Variants in AKR1E2 observed in about 807,000 individuals in gnomAD.
AKR1E2 encodes 1,5-anhydro-D-fructose reductase.
Under a neutral mutation model 41.9 loss-of-function variants are expected in AKR1E2, and 43 were observed. The ratio of observed to expected loss-of-function variants is 1.03; its 90% CI spans 0.80 to 1.32. AKR1E2 has a LOEUF of 1.32. Ranked by LOEUF, AKR1E2 falls within the 40% of genes most tolerant of loss-of-function variation. AKR1E2 has a pLI of 0.00. For missense variants in AKR1E2, 423 were observed against 396.5 expected (o/e 1.07, Z -0.57); for synonymous variants, 121 against 138.9 (o/e 0.87, Z 0.91).
chr10:4,847,623 C>T lies in AKR1E2; in HGVS notation c.*93C>T. On this transcript the variant is annotated 3_prime_UTR_variant, in exon 10 of 10. Transcript: ENST00000298375. ...CTCTGTCATCACAGCGCCAGGGCAGCTGTGCCTGGGACAGGAGCCACACAG... is the reference window on the plus strand; with the variant it reads ...CTCTGTCATCACAGCGCCAGGGCAGTTGTGCCTGGGACAGGAGCCACACAG... The T allele has an allele frequency of 6.8e-7, 1 of 1,461,588 alleles. No individual in the cohort carries two copies. Among genetic ancestry groups the T allele is most frequent in the Non-Finnish European group, 9.5e-7 (1 of 1,053,182 alleles). The allele number at this position is 1,461,588 out of a possible 1,614,324, so 90.5% of individuals were successfully genotyped here.
chr10:4,827,947 A>G (rs2131485613), intron 1 of AKR1E2, among the ~76,000 whole-genome samples: 1 of 152,084 alleles, frequency 6.6e-6, no homozygotes, highest in East Asian at 2.0e-4. Flanking sequence ...AACTGTGCTT[A>G]ACAGGTCAAA....
chr10:4,850,476 G>A (rs1564281957), downstream of AKR1E2, among the ~76,000 whole-genome samples: 1 of 152,182 alleles, frequency 6.6e-6, no homozygotes. Flanking sequence ...GCAGGGCCTC[G>A]CTGACTGATG....
chr10:4,838,386 ATTTC>A (rs1833604362), intron 5 of AKR1E2, among the ~76,000 whole-genome samples: 2 of 152,076 alleles, frequency 1.3e-5, no homozygotes, highest in Non-Finnish European at 2.9e-5. Context: ...GTGCTCTCTT[ATTTC>A]TTGTGGTATT....
downstream of AKR1E2, among the ~76,000 whole-genome samples, chr10:4,853,013 A>G (rs1397351772): frequency 6.6e-6 from 1 of 152,212 alleles, no homozygotes; most frequent in Non-Finnish European, 1.5e-5. Flanking sequence ...ACCTCAGGAA[A>G]TGATCAGAGT....
At chr10:4,842,614 G>C in intron 8 of AKR1E2, 110 bp downstream of exon 8, 1 of 932,402 alleles carries the variant, frequency 1.1e-6, no homozygotes, top group Admixed American at 2.0e-5. Flanking sequence ...TGCAACAGGG[G>C]CTTCTCCCTC....
the AKR1E2 span, among the ~76,000 whole-genome samples, chr10:4,861,774 GTTGT>G: frequency 3.9e-5 from 6 of 152,078 alleles, no homozygotes; most frequent in Non-Finnish European, 4.4e-5. Context: ...TTTTGATGGG[GTTGT>G]TTGTTTTTTT....
intron 2 of AKR1E2, among the ~76,000 whole-genome samples, chr10:4,832,293 A>G (rs1460444062): frequency 6.6e-6 from 1 of 152,164 alleles, no homozygotes; most frequent in Non-Finnish European, 1.5e-5. Context: ...TCAAGATTCA[A>G]TGTTGTTTCT....
At chr10:4,836,076 AT>A (rs921190963) in intron 4 of AKR1E2, among the ~76,000 whole-genome samples, 16 of 152,192 alleles carry the variant, frequency 1.1e-4, no homozygotes, top group African/African-American at 3.9e-4. Context: ...ATATTTATTT[AT>A]TTTTTTATTA....
chr10:4,872,882 A>AGAAG, the AKR1E2 span, among the ~76,000 whole-genome samples: 1 of 152,238 alleles, frequency 6.6e-6, no homozygotes, highest in Non-Finnish European at 1.5e-5. Context: ...TAAGTGACAG[A>AGAAG]GAAGGCATCA....
chr10:4,834,174 C>T (rs1412495349), intron 3 of AKR1E2, among the ~76,000 whole-genome samples: 3 of 152,202 alleles, frequency 2.0e-5, no homozygotes, highest in African/African-American at 7.2e-5. Context: ...ATACAGAAGC[C>T]CTTGCAGGGA....
At chr10:4,859,673 G>A in the AKR1E2 span, among the ~76,000 whole-genome samples, 1 of 152,326 alleles carries the variant, frequency 6.6e-6, no homozygotes, top group East Asian at 1.9e-4. Flanking sequence ...TGTATGAGGT[G>A]AAATTCCAGG....
At chr10:4,844,633 A>G (rs927129341) in intron 8 of AKR1E2, among the ~76,000 whole-genome samples, 5 of 149,982 alleles carry the variant, frequency 3.3e-5, no homozygotes, top group Non-Finnish European at 7.5e-5. Flanking sequence ...TTAGCTAGAT[A>G]CAGAGTGTCA....
At chr10:4,866,052 G>A in the AKR1E2 span, among the ~76,000 whole-genome samples, 3 of 152,156 alleles carry the variant, frequency 2.0e-5, no homozygotes, top group East Asian at 1.9e-4. Context: ...CAGGACAGAC[G>A]TGAAGTTTCT....
intron 7 of AKR1E2, 115 bp downstream of exon 7, chr10:4,841,972 A>G: frequency 1.2e-6 from 1 of 863,954 alleles, no homozygotes; most frequent in Admixed American, 3.1e-5. Context: ...AGGTGAGTCC[A>G]TGACTCATTA....
chr10:4,833,516 C>T (rs1189880729), intron 3 of AKR1E2, 50 bp downstream of exon 3: 21 of 1,477,426 alleles, frequency 1.4e-5, no homozygotes, highest in East Asian at 9.1e-5. Flanking sequence ...CCTTCCTCCC[C>T]GTGCTCACAC....
rs1452500540 is a variant in AKR1E2 at position 4,835,682 on chromosome 10, A to G, written c.332A>G (p.His111Arg). ...IHWPMGFKPP[H>R]PEWIMSCSEL... ...AACTCTCCTTCTTCGCAGCCTCCTCATCCAGAATGGATCATGAGCTGCAGT... is the reference window on the plus strand; with the variant it reads ...AACTCTCCTTCTTCGCAGCCTCCTCGTCCAGAATGGATCATGAGCTGCAGT... The change falls in exon 4 of 10, where the codon CAT becomes CGT. Residue 111 changes from histidine to arginine, a missense_variant. By Grantham distance (29) the His-to-Arg change is conservative (BLOSUM62 0). Transcript: ENST00000298375. 4 of 1,613,886 alleles carry G rather than the reference A, an allele frequency of 2.5e-6. No homozygotes were observed. The highest frequency in any genetic ancestry group is 1.1e-5 in the South Asian group (1 of 91,062).
upstream of AKR1E2, among the ~76,000 whole-genome samples, chr10:4,825,866 T>G (rs1832440253): frequency 6.6e-6 from 1 of 152,182 alleles, no homozygotes; most frequent in Admixed American, 6.5e-5. Context: ...ACCTCTGCCC[T>G]ACCCTCAGTC....
At chr10:4,844,537 G>A (rs879162260) in intron 8 of AKR1E2, among the ~76,000 whole-genome samples, 2 of 152,172 alleles carry the variant, frequency 1.3e-5, no homozygotes, top group Non-Finnish European at 2.9e-5. Context: ...TTTACAGAGA[G>A]CCGAGTGGTC....
chr10:4,850,019 G>A (rs542151415), downstream of AKR1E2, among the ~76,000 whole-genome samples: 92 of 152,328 alleles, frequency 6.0e-4, 2 homozygotes, highest in South Asian at 0.018. Context: ...CAGAAGTTAC[G>A]CAGCCTCGTT....
Sources: allele counts gnomAD v4.1 joint callset (sites outside exome capture counted in the v4.1 genomes callset), GRCh38; gene constraint gnomAD v4.1.1; transcripts MANE v1.5; gene names NCBI Gene and HGNC (gene_info 2026-07-23, HGNC 2026-07-21).